Variants in THTPA observed in about 807,000 individuals in gnomAD.
THTPA encodes thiamine triphosphatase, also known as thiamine-triphosphatase.
A neutral mutation model predicts 16.5 loss-of-function variants in THTPA; 16 were observed. That is an observed-to-expected ratio of 0.97 (90% CI 0.66 to 1.47). THTPA has a LOEUF of 1.47. THTPA is among the 40% of genes most tolerant of loss of function. THTPA has a pLI of 0.00. For missense variants in THTPA, 281 were observed against 280.9 expected, an observed-to-expected ratio of 1.00 and a Z score of 0.00; for synonymous variants, 110 against 115.5, an observed-to-expected ratio of 0.95 and a Z score of 0.30.
At chr14:23,530,085 G>A in the THTPA span, 53 of 1,509,872 alleles carry the variant, frequency 3.5e-5, no homozygotes, top group African/African-American at 6.5e-4. Context: ...GTCTCAGAAG[G>A]TAGGAGGACT....
At chr14:23,515,368 C>T in the THTPA span, among the ~76,000 whole-genome samples, 1 of 152,084 alleles carries the variant, frequency 6.6e-6, no homozygotes, top group African/African-American at 2.4e-5. Flanking sequence ...TGCTCTAGGC[C>T]TAGAGAGGTA....
chr14:23,551,027 C>T (rs1881896856), upstream of THTPA, among the ~76,000 whole-genome samples: 1 of 152,204 alleles, frequency 6.6e-6, no homozygotes, highest in South Asian at 2.1e-4. This position sits in a 1 kb window ranked among gnomAD's most constrained non-coding sequence, Gnocchi z 5.3. Flanking sequence ...TTTCCATACC[C>T]TTCGTCTGTC....
At chr14:23,513,352 T>A in the THTPA span, 1 of 152,546 alleles carries the variant, frequency 6.6e-6, no homozygotes, top group Non-Finnish European at 1.5e-5. Flanking sequence ...TCACTGTGCA[T>A]TGCTGTGTGT....
upstream of THTPA, among the ~76,000 whole-genome samples, chr14:23,554,007 T>C (rs1882158510): frequency 8.1e-6 from 1 of 123,458 alleles, no homozygotes; most frequent in Admixed American, 1.2e-4. Context: ...GAGGTTGCAG[T>C]GAGCTGAGAC....
the THTPA span, among the ~76,000 whole-genome samples, chr14:23,515,513 G>C: frequency 6.6e-6 from 1 of 152,196 alleles, no homozygotes; most frequent in Non-Finnish European, 1.5e-5. Context: ...ATGATCCCTG[G>C]TAGAGGGGAA....
At chr14:23,526,294 A>G in the THTPA span, 1 of 1,536,084 alleles carries the variant, frequency 6.5e-7, no homozygotes, top group East Asian at 2.4e-5. Flanking sequence ...TCATCTTGTG[A>G]AGGTGGGAGA....
At chr14:23,529,850 T>A in the THTPA span, 15 of 1,400,738 alleles carry the variant, frequency 1.1e-5, no homozygotes, top group South Asian at 1.7e-4. Flanking sequence ...GGGTAGGGAG[T>A]TGGGCACTAG....
the THTPA span, among the ~76,000 whole-genome samples, chr14:23,516,393 G>GGGTGGGAGC: frequency 6.6e-6 from 1 of 152,172 alleles, no homozygotes; most frequent in African/African-American, 2.4e-5. Context: ...TATGCGTTTT[G>GGGTGGGAGC]GGTGGGAGCA....
At chr14:23,529,924 A>T in the THTPA span, among the ~76,000 whole-genome samples, 2 of 152,118 alleles carry the variant, frequency 1.3e-5, no homozygotes, top group African/African-American at 4.8e-5. Context: ...GGTCAGTAGG[A>T]TGGTCAGGTC....
the THTPA span, among the ~76,000 whole-genome samples, chr14:23,538,679 C>T: frequency 3.3e-5 from 5 of 152,054 alleles, no homozygotes; most frequent in African/African-American, 9.7e-5. Context: ...AGAGACAAGG[C>T]GACCCCTGAA....
chr14:23,551,139 T>C (rs972649258), upstream of THTPA, among the ~76,000 whole-genome samples: 4 of 150,964 alleles, frequency 2.6e-5, no homozygotes, highest in African/African-American at 9.8e-5. This position sits in a 1 kb window ranked among gnomAD's most constrained non-coding sequence, Gnocchi z 5.3. Flanking sequence ...CCCTGTCTGC[T>C]ATCTCCCAGG....
the THTPA span, among the ~76,000 whole-genome samples, chr14:23,536,270 A>G: frequency 6.6e-6 from 1 of 152,230 alleles, no homozygotes; most frequent in Non-Finnish European, 1.5e-5. Context: ...ACAGAAAACA[A>G]TGCCTGCCAC....
Position 23,559,736 on chromosome 14 carries a change from T to C in THTPA, c.*896T>C. On this transcript the variant is annotated 3_prime_UTR_variant, in exon 2 of 2. Coordinates refer to ENST00000288014, the MANE Select transcript of THTPA (RefSeq NM_024328.6). ...TGGGACACAGGAGAATTTCAGGCTG[T>C]GAGTGGAGACAGTTACTGCCACGAT... The C allele has an allele frequency of 3.1e-6, 5 of 1,613,396 alleles. No homozygotes were observed. The highest frequency in any genetic ancestry group is 4.2e-6 in the Non-Finnish European group (5 of 1,179,594).
the THTPA span, among the ~76,000 whole-genome samples, chr14:23,541,032 G>A: frequency 6.6e-6 from 1 of 151,802 alleles, no homozygotes. Context: ...ATAGCCTCCC[G>A]AGTAGCTGGG....
chr14:23,549,616 A>G, the THTPA span, among the ~76,000 whole-genome samples: 1 of 152,208 alleles, frequency 6.6e-6, no homozygotes, highest in Non-Finnish European at 1.5e-5. Flanking sequence ...AAAAGTGAAG[A>G]AAAAGCAACT....
chr14:23,522,544 C>T, the THTPA span: 4 of 1,527,172 alleles, frequency 2.6e-6, no homozygotes, highest in East Asian at 4.9e-5. Flanking sequence ...GAAATAGCCC[C>T]TTCTTCATGC....
chr14:23,525,481 T>C, the THTPA span: 2 of 1,535,156 alleles, frequency 1.3e-6, no homozygotes, highest in South Asian at 2.4e-5. The surrounding 1 kb of genome is among the most constrained non-coding windows in gnomAD (Gnocchi z 5.9). Flanking sequence ...TGGAGAAGAG[T>C]TTCCCACAGG....
At chr14:23,535,073 A>G in the THTPA span, 1 of 1,536,202 alleles carries the variant, frequency 6.5e-7, no homozygotes. This position sits in a 1 kb window ranked among gnomAD's most constrained non-coding sequence, Gnocchi z 4.5. Flanking sequence ...TTTGGTGGGA[A>G]GTGACCACAG....
the THTPA span, among the ~76,000 whole-genome samples, chr14:23,541,902 C>G: frequency 6.6e-6 from 1 of 152,192 alleles, no homozygotes; most frequent in Non-Finnish European, 1.5e-5. Context: ...TTCTACCTAT[C>G]TCTTCTAGAC....
Sources: allele counts gnomAD v4.1 joint callset (sites outside exome capture counted in the v4.1 genomes callset), GRCh38; gene constraint gnomAD v4.1.1; non-coding constraint Gnocchi (gnomAD v3.1); transcripts MANE v1.5; gene names NCBI Gene and HGNC (gene_info 2026-07-23, HGNC 2026-07-21).